Variants in LCOR observed in about 807,000 individuals in gnomAD.
LCOR encodes the protein ligand-dependent corepressor.
Under a neutral mutation model 64.4 loss-of-function variants are expected in LCOR, and 14 were observed. The ratio of observed to expected loss-of-function variants is 0.22; its 90% CI spans 0.14 to 0.34. The LOEUF (loss-of-function observed/expected upper bound fraction) is 0.34. Ranked by LOEUF, LCOR falls within the 10% of genes least tolerant of loss-of-function variation. The probability of loss-of-function intolerance (pLI) is 1.00; values close to 1 mark genes in which losing one functional copy is unlikely to be tolerated. For missense variants in LCOR, 1,686 were observed against 1,765.3 expected, an observed-to-expected ratio of 0.96 and a Z score of 0.80; for synonymous variants, 643 against 642.5, an observed-to-expected ratio of 1.00 and a Z score of -0.01.
chr10:96,969,701 A>T (rs973884112), intron 7 of LCOR, among the ~76,000 whole-genome samples: 1 of 151,978 alleles, frequency 6.6e-6, no homozygotes, highest in African/African-American at 2.4e-5. Context: ...TGTGGATTTC[A>T]AACCAACAAA....
At chr10:96,924,615 A>G (rs1196414406) in intron 4 of LCOR, among the ~76,000 whole-genome samples, 12 of 152,094 alleles carry the variant, frequency 7.9e-5, no homozygotes, top group Non-Finnish European at 1.5e-5. Flanking sequence ...AAAAATACCT[A>G]TATACCCTTC....
In LCOR at chr10:96,979,203, T is replaced by C. The variant is rs116333709; in HGVS notation, c.333-1590T>C. ...GAAGAAAAGAATTAGCCAGAAGATA[T>C]TATCAAACATCTGTTCACACATTTA... is the stretch of plus-strand genomic sequence containing the variant. On this transcript the variant is annotated intron_variant, in intron 7 of 7. Transcript: ENST00000421806. Among the ~76,000 whole-genome samples the C allele has an allele frequency of 3.0e-3, 460 of 152,336 alleles. 3 individuals are homozygous for C. Among genetic ancestry groups the C allele is most frequent in the African/African-American group, 0.011 (439 of 41,576 alleles).
chr10:96,977,538 CA>C (rs972308829), intron 7 of LCOR, among the ~76,000 whole-genome samples: 3 of 151,970 alleles, frequency 2.0e-5, no homozygotes, highest in African/African-American at 4.8e-5. Context: ...AGACTTCCAT[CA>C]AAAAAAATTT....
intron 2 of LCOR, among the ~76,000 whole-genome samples, chr10:96,857,668 A>T (rs1661408333): frequency 6.6e-6 from 1 of 152,204 alleles, no homozygotes; most frequent in Non-Finnish European, 1.5e-5. Context: ...TACTGCCTAA[A>T]GCATTGTTTC....
In LCOR at chr10:96,982,370, C is replaced by T; in HGVS notation, c.1910C>T (p.Ser637Leu). Residue 637 changes from serine (S) to leucine (L), a missense_variant, in exon 8 of 8, where the codon TCA becomes TTA. Physicochemically the swap from Ser to Leu is moderately radical, Grantham distance 145. Coordinates refer to ENST00000421806, the MANE Select transcript of LCOR (RefSeq NM_001346516.2). ...CTGCCAGAAGGTGGCTCCACAGTCTCAGCTCCCACAGCAAGTGGGATGTCT... is the reference window on the plus strand; with the variant it reads ...CTGCCAGAAGGTGGCTCCACAGTCTTAGCTCCCACAGCAAGTGGGATGTCT... The part of the protein sequence containing the change: ...EDLPEGGSTV[S>L]APTASGMSSP... 1.2e-6 allele frequency: 2 copies of T among 1,614,222 alleles called. No homozygotes were observed. Among genetic ancestry groups the T allele is most frequent in the Non-Finnish European group, 8.5e-7 (1 of 1,180,032 alleles).
rs1465706162 is a variant in LCOR at position 96,993,735 on chromosome 10, GGTTAT to G, written c.*8607_*8611del. 6.8e-6 allele frequency: 1 copy of G among 147,914 alleles called. No individual in the cohort carries two copies. The highest frequency in any genetic ancestry group is 1.9e-4 in the East Asian group (1 of 5,132). 9.2% of individuals were successfully genotyped at this position (147,914 alleles called of 1,614,324 possible). On this transcript the variant is annotated 3_prime_UTR_variant, in exon 8 of 8. Coordinates refer to ENST00000421806, the MANE Select transcript of LCOR (RefSeq NM_001346516.2). ...CTTTAACTGCCCCCTCTTCTCATCT[GGTTAT>G]GTTATATTATATATATATATTATAT...
intron 2 of LCOR, among the ~76,000 whole-genome samples, chr10:96,840,322 A>G (rs1246003125): frequency 2.0e-5 from 3 of 152,176 alleles, no homozygotes; most frequent in African/African-American, 4.8e-5. Flanking sequence ...ATATCACTTA[A>G]TCATTTTTCT....
chr10:96,833,186 G>T (rs1186174499), intron 1 of LCOR: 1 of 985,294 alleles, frequency 1.0e-6, no homozygotes, highest in Non-Finnish European at 1.2e-6. Context: ...CGACCGAGGA[G>T]CCCCGGCGGG....
chr10:96,910,936 C>A (rs1433789004), intron 4 of LCOR, among the ~76,000 whole-genome samples: 1 of 152,100 alleles, frequency 6.6e-6, no homozygotes, highest in African/African-American at 2.4e-5. Context: ...TACGAAGTAG[C>A]CTCTTTGGGA....
chr10:96,932,443 TTTA>T (rs1847277005), intron 4 of LCOR, among the ~76,000 whole-genome samples: 1 of 136,818 alleles, frequency 7.3e-6, no homozygotes, highest in African/African-American at 3.6e-5. Context: ...AGGAACCTTT[TTTA>T]TTTTATTTTA....
chr10:96,861,787 C>T (rs555507117), intron 2 of LCOR, among the ~76,000 whole-genome samples: 10 of 152,300 alleles, frequency 6.6e-5, no homozygotes, highest in Admixed American at 2.0e-4. Context: ...CTACTTTGGC[C>T]TCCCAAAGTG....
Position 96,947,347 on chromosome 10 carries a change from G to T in LCOR, c.-50-1661G>T, listed in dbSNP as rs1029665191. 2.0e-5 allele frequency among the ~76,000 whole-genome samples: 3 copies of T among 152,184 alleles called. No homozygotes were observed. In the South Asian group the frequency reaches 6.2e-4, roughly 32 times the overall value. On this transcript the variant is annotated intron_variant, in intron 5 of 7. Coordinates refer to ENST00000421806, the MANE Select transcript of LCOR (RefSeq NM_001346516.2). Reference sequence around the variant, plus strand: ...AGCACAACTTTGTGACCATCTTCTGGTATTGAATATCGTCCTTTCGGGGGA... The same window carrying T: ...AGCACAACTTTGTGACCATCTTCTGTTATTGAATATCGTCCTTTCGGGGGA...
At chr10:96,833,361 C>A (rs2134353310) in intron 1 of LCOR, 45 bp from the exon 2 acceptor site, 1 of 979,296 alleles carries the variant, frequency 1.0e-6, no homozygotes, top group Non-Finnish European at 1.2e-6. Context: ...GGCGGCCGAG[C>A]TGCGCCTCTC....
In LCOR at chr10:96,957,240, C is replaced by T. The variant is rs1847799264; in HGVS notation, c.332+5044C>T. On this transcript the variant is annotated intron_variant, in intron 7 of 7. Coordinates refer to ENST00000421806, the MANE Select transcript of LCOR (RefSeq NM_001346516.2). ...GTTTTTGGCATCCTACATAATACCCCCCTTCTTGACTTTTTCTGATAATTA... is the reference window on the plus strand; with the variant it reads ...GTTTTTGGCATCCTACATAATACCCTCCTTCTTGACTTTTTCTGATAATTA... 5.1e-6 allele frequency: 5 copies of T among 984,664 alleles called. No individual in the cohort carries two copies. In the Admixed American group the frequency reaches 2.5e-4, roughly 49 times the overall value. The allele number at this position is 984,664 out of a possible 1,614,324, so 61.0% of individuals were successfully genotyped here.
intron 4 of LCOR, among the ~76,000 whole-genome samples, chr10:96,935,049 C>T (rs556153204): frequency 6.7e-6 from 1 of 150,342 alleles, no homozygotes. Flanking sequence ...ATTTGCCATA[C>T]TATACAATAA....
chr10:96,864,256 G>A (rs558787038), intron 2 of LCOR, among the ~76,000 whole-genome samples: 2 of 152,320 alleles, frequency 1.3e-5, no homozygotes, highest in African/African-American at 2.4e-5. Flanking sequence ...CATTCTGAGA[G>A]CCAAGTTGAA....
chr10:96,909,874 C>G (rs1008004119), intron 4 of LCOR, among the ~76,000 whole-genome samples: 3 of 150,758 alleles, frequency 2.0e-5, no homozygotes, highest in Non-Finnish European at 3.0e-5. Flanking sequence ...ATTTTAAACT[C>G]TGTGTGTGTG....
chr10:96,989,695 A>ATATATATATATTTTTTTTT lies in LCOR; in HGVS notation c.*4562_*4563insATATATATATTTTTTTTTT, dbSNP rs1371771053. 1.2e-5 allele frequency: 1 copy of ATATATATATATTTTTTTTT among 86,160 alleles called. No homozygotes were observed. The highest frequency in any genetic ancestry group is 6.2e-5 in the African/African-American group (1 of 16,170). 5.3% of individuals were successfully genotyped at this position (86,160 alleles called of 1,614,324 possible). On this transcript the variant is annotated 3_prime_UTR_variant, in exon 8 of 8. Coordinates refer to ENST00000421806, the MANE Select transcript of LCOR (RefSeq NM_001346516.2). The stretch of plus-strand genomic sequence containing the variant: ...TAAGGATATATATATATATATATAT[A>ATATATATATATTTTTTTTT]TTTTTTTTTTTTTTTTTTTTTTTTA...
At chr10:96,834,132 A>G (rs1845399073) in intron 2 of LCOR, among the ~76,000 whole-genome samples, 1 of 152,226 alleles carries the variant, frequency 6.6e-6, no homozygotes, top group African/African-American at 2.4e-5. Context: ...TTCCATTTCT[A>G]CAGGGTTTCA....
Sources: allele counts gnomAD v4.1 joint callset (sites outside exome capture counted in the v4.1 genomes callset), GRCh38; gene constraint gnomAD v4.1.1; transcripts MANE v1.5; gene names NCBI Gene and HGNC (gene_info 2026-07-23, HGNC 2026-07-21).